CLOCK: variants seen among roughly 807,000 people sequenced by gnomAD.
CLOCK encodes the protein clock circadian regulator.
In CLOCK, 43 loss-of-function variants were observed where a neutral mutation model predicts 118.4. The ratio of observed to expected loss-of-function variants is 0.36; its 90% CI spans 0.28 to 0.47. The LOEUF (loss-of-function observed/expected upper bound fraction) is 0.47, where lower values mean the gene tolerates loss of function less well. CLOCK is among the 20% of genes least tolerant of loss of function. The probability of loss-of-function intolerance (pLI) is 1.00; values close to 1 mark genes in which losing one functional copy is unlikely to be tolerated. For missense variants in CLOCK, 846 were observed against 999.9 expected, an observed-to-expected ratio of 0.85 and a Z score of 2.08; for synonymous variants, 326 against 339.2, an observed-to-expected ratio of 0.96 and a Z score of 0.43.
intron 1 of CLOCK, among the ~76,000 whole-genome samples, chr4:55,529,520 A>C (rs1362068138): frequency 6.6e-6 from 1 of 152,232 alleles, no homozygotes; most frequent in African/African-American, 2.4e-5. Context: ...TATTCAGGAC[A>C]TAGAAGAAAT....
intron 2 of CLOCK, among the ~76,000 whole-genome samples, chr4:55,499,636 G>A (rs1053332834): frequency 1.2e-4 from 18 of 152,224 alleles, no homozygotes; most frequent in Admixed American, 7.2e-4. Flanking sequence ...CCTGCTGTGC[G>A]GCCTGGTTCC....
At chr4:55,507,889 T>G (rs560830608) in intron 2 of CLOCK, among the ~76,000 whole-genome samples, 5 of 152,220 alleles carry the variant, frequency 3.3e-5, no homozygotes, top group Non-Finnish European at 7.4e-5. Flanking sequence ...CAGAACCCAC[T>G]CTTAGGAAAC....
rs60471915 is a variant in CLOCK, at chr4:55,503,978, T to TAAAAAAAAAAAAAA, written c.-136+5920_-136+5933dup. 1.5e-4 allele frequency among the ~76,000 whole-genome samples: 11 copies of TAAAAAAAAAAAAAA among 71,142 alleles called. 1 individual carries two copies. Among genetic ancestry groups the TAAAAAAAAAAAAAA allele is most frequent in the African/African-American group, 4.6e-4 (9 of 19,622 alleles). The allele number at this position is 71,142 out of a possible 152,430, so 46.7% of individuals were successfully genotyped here. Reference sequence around the variant, plus strand: ...ACAGTTTCTATTTGGCAAAAAGAGGTAAAAAAAAAAAAAAAAAAAAAAAAA... The same window carrying TAAAAAAAAAAAAAA: ...ACAGTTTCTATTTGGCAAAAAGAGGTAAAAAAAAAAAAAAAAAAAAAAAAAAAAAAAAAAAAAAA... On this transcript the variant is annotated intron_variant, in intron 2 of 22. Coordinates refer to ENST00000513440, the MANE Select transcript of CLOCK (RefSeq NM_004898.4).
In CLOCK at chr4:55,459,177, A is replaced by C. The variant is rs762198381; in HGVS notation, c.644T>G (p.Phe215Cys). 2.5e-6 allele frequency: 4 copies of C among 1,606,444 alleles called. No individual in the cohort carries two copies. Among genetic ancestry groups the C allele is most frequent in the South Asian group, 1.1e-5 (1 of 90,900 alleles). The change falls in exon 10 of 23, where the codon TTT (phenylalanine) becomes TGT (cysteine). Residue 215 changes from phenylalanine (F) to cysteine (C), a missense_variant. By Grantham distance (205) the Phe-to-Cys change is radical. Transcript: ENST00000513440. ...KEPSTYEYVK[F>C]IGNFKSLNSV... ...GTTTAAAGATTTGAAATTTCCTATA[A>C]ATTTTACATATTCATAGGTAGATGG...
Position 55,503,978 on chromosome 4 carries a change from TAAAA to T in CLOCK, c.-136+5930_-136+5933del, listed in dbSNP as rs60471915. ...ACAGTTTCTATTTGGCAAAAAGAGG[TAAAA>T]AAAAAAAAAAAAAAAAAAAAAGCCG... On this transcript the variant is annotated intron_variant, in intron 2 of 22. Transcript: ENST00000513440. Among the ~76,000 whole-genome samples the T allele has an allele frequency of 1.6e-3, 112 of 71,148 alleles. 4 individuals carry two copies. The East Asian group carries it at 0.028, about 18-fold the overall frequency. 46.7% of individuals were successfully genotyped at this position (71,148 alleles called of 152,430 possible).
chr4:55,439,709 A>G (rs1290931777), intron 21 of CLOCK, among the ~76,000 whole-genome samples: 1 of 152,204 alleles, frequency 6.6e-6, no homozygotes. Context: ...TTGCTGTAAC[A>G]TGGATGAACC....
chr4:55,453,040 TATAAGAAAC>T lies in CLOCK; in HGVS notation c.1206+5_1206+13del. 6.3e-7 allele frequency: 1 copy of T among 1,577,408 alleles called. No homozygotes were observed. The highest frequency in any genetic ancestry group is 8.7e-7 in the Non-Finnish European group (1 of 1,154,160). On this transcript the variant is annotated splice_donor_5th_base_variant and intron_variant, in intron 15 of 22. Transcript: ENST00000513440. ...GAAATTAAAAATAATTTTTTTTAAT[TATAAGAAAC>T]ATACTTTGTCAGCAGCTGTCTCAGG...
chr4:55,437,181 A>C lies in CLOCK; in HGVS notation c.2361+1101T>G, dbSNP rs1299678290. Reference sequence around the variant, plus strand: ...CAACTAGCCTGTTTTAGTTTTCTACATCACAAAGACAAGGATTATATTTGG... The same window carrying C: ...CAACTAGCCTGTTTTAGTTTTCTACCTCACAAAGACAAGGATTATATTTGG... On this transcript the variant is annotated intron_variant, in intron 22 of 22. Coordinates refer to ENST00000513440, the MANE Select transcript of CLOCK (RefSeq NM_004898.4). Among the ~76,000 whole-genome samples the C allele has an allele frequency of 1.3e-5, 2 of 152,354 alleles. 1 individual carries two copies. The highest frequency in any genetic ancestry group is 6.8e-3 in the Middle Eastern group (2 of 294).
intron 1 of CLOCK, among the ~76,000 whole-genome samples, chr4:55,539,851 T>C: frequency 6.6e-6 from 1 of 152,082 alleles, no homozygotes; most frequent in Admixed American, 6.5e-5. Context: ...CACTGTTAAC[T>C]GAACAGCTTG....
At chr4:55,472,087 T>C (rs573123371) in intron 7 of CLOCK, among the ~76,000 whole-genome samples, 1 of 151,298 alleles carries the variant, frequency 6.6e-6, no homozygotes, top group African/African-American at 2.4e-5. Context: ...GTAATAAAAA[T>C]TGAAATTACA....
At chr4:55,522,279 A>G (rs1033399145) in intron 1 of CLOCK, among the ~76,000 whole-genome samples, 1 of 152,204 alleles carries the variant, frequency 6.6e-6, no homozygotes, top group African/African-American at 2.4e-5. Context: ...AAGAAAAAAA[A>G]TAATATATTT....
chr4:55,456,350 T>C (rs1286045006), intron 11 of CLOCK, 50 bp from the exon 12 acceptor site: 11 of 1,214,858 alleles, frequency 9.1e-6, no homozygotes, highest in South Asian at 1.3e-5. Context: ...CTTAAGAATA[T>C]TAAATATTGC....
chr4:55,500,164 C>T (rs765841557), intron 2 of CLOCK, among the ~76,000 whole-genome samples: 3 of 152,018 alleles, frequency 2.0e-5, no homozygotes, highest in Non-Finnish European at 2.9e-5. Context: ...ACCCAGCCTA[C>T]CATTTGGTTA....
intron 8 of CLOCK, among the ~76,000 whole-genome samples, chr4:55,469,619 A>T (rs1725992070): frequency 6.6e-6 from 1 of 152,230 alleles, no homozygotes; most frequent in Admixed American, 6.5e-5. Context: ...AGTTTTACAA[A>T]TGTTTAAAAA....
chr4:55,448,601 C>CGCGCGTGTGTGTGT (rs764071880), intron 18 of CLOCK, among the ~76,000 whole-genome samples, 178 bp downstream of exon 18: 32 of 117,032 alleles, frequency 2.7e-4, no homozygotes, highest in South Asian at 1.7e-3. Context: ...CGCACGCGCG[C>CGCGCGTGTGTGTGT]GTGTGTGTGT....
intron 1 of CLOCK, among the ~76,000 whole-genome samples, chr4:55,530,575 G>C (rs546523147): frequency 9.9e-5 from 15 of 151,964 alleles, no homozygotes. Context: ...AGGTGTTTAA[G>C]ACCAACCTGG....
chr4:55,473,308 A>G (rs1433471643), intron 7 of CLOCK, among the ~76,000 whole-genome samples: 1 of 152,086 alleles, frequency 6.6e-6, no homozygotes, highest in East Asian at 1.9e-4. Context: ...TCATAATACC[A>G]GCTATTATGA....
rs1032243387 is a variant in CLOCK at position 55,431,342 on chromosome 4, G to T, written c.*4073C>A. The T allele has an allele frequency of 2.0e-5, 3 of 152,096 alleles. No individual in the cohort carries two copies. Among genetic ancestry groups the T allele is most frequent in the African/African-American group, 7.2e-5 (3 of 41,408 alleles). 9.4% of individuals were successfully genotyped at this position (152,096 alleles called of 1,614,324 possible). The stretch of plus-strand genomic sequence containing the variant: ...ATTAGAAAAGTGGGAGGCATGTAGA[G>T]GGTTCCTATTATAGTTATATACAAA... On this transcript the variant is annotated 3_prime_UTR_variant, in exon 23 of 23. Transcript: ENST00000513440.
chr4:55,492,425 TTC>T (rs1727773699), intron 2 of CLOCK, among the ~76,000 whole-genome samples: 2 of 151,576 alleles, frequency 1.3e-5, no homozygotes, highest in African/African-American at 4.8e-5. Context: ...AAGGAGGAAT[TTC>T]TCTTTCTTAA....
Sources: gnomAD v4.1 joint callset for allele counts (sites outside exome capture counted in the v4.1 genomes callset) on GRCh38, gnomAD v4.1.1 for gene constraint, MANE v1.5 for transcripts, NCBI Gene and HGNC (gene_info 2026-07-23, HGNC 2026-07-21) for gene names.